The following CAMK1D variants were observed in gnomAD, a reference collection of about 807,000 sequenced individuals.
CAMK1D encodes the protein calcium/calmodulin dependent protein kinase ID, also known as calcium/calmodulin-dependent protein kinase type 1D.
In CAMK1D, 9 loss-of-function variants were observed where a neutral mutation model predicts 47.7. That is an observed-to-expected ratio of 0.19 (90% CI 0.11 to 0.33). The LOEUF (loss-of-function observed/expected upper bound fraction) is 0.33. Among genes scored for constraint, CAMK1D ranks in the 10% least tolerant of loss-of-function variants. The probability of loss-of-function intolerance (pLI) is 1.00; values close to 1 mark genes in which losing one functional copy is unlikely to be tolerated. For synonymous variants in CAMK1D, 184 were observed against 184.9 expected (o/e 0.99, Z 0.04); for missense variants, 291 against 488.7 (o/e 0.60, Z 3.81).
At chr10:12,356,088 C>T (rs1041027165) in intron 1 of CAMK1D, among the ~76,000 whole-genome samples, 8 of 151,898 alleles carry the variant, frequency 5.3e-5, no homozygotes, top group African/African-American at 1.9e-4. Flanking sequence ...GCCGAGATTG[C>T]ACCACTGCAC....
chr10:12,652,438 A>AC (rs1840001844), intron 2 of CAMK1D, among the ~76,000 whole-genome samples: 1 of 150,922 alleles, frequency 6.6e-6, no homozygotes, highest in African/African-American at 2.4e-5. Context: ...AAAAAAAAAA[A>AC]AAAGCCGGGC....
intron 2 of CAMK1D, among the ~76,000 whole-genome samples, chr10:12,591,297 T>TA (rs1837987754): frequency 6.6e-6 from 1 of 152,222 alleles, no homozygotes; most frequent in African/African-American, 2.4e-5. Context: ...CAGGACTTGA[T>TA]CAATTACTGG....
chr10:12,717,731 G>GAAAAAAAAAAAAA (rs11289567), intron 3 of CAMK1D, among the ~76,000 whole-genome samples: 12 of 121,178 alleles, frequency 9.9e-5, no homozygotes, highest in African/African-American at 3.5e-4. Flanking sequence ...ACAAAAAATT[G>GAAAAAAAAAAAAA]AAAAAAAAAA....
chr10:12,622,489 C>A (rs1163890379), intron 2 of CAMK1D, among the ~76,000 whole-genome samples: 1 of 152,088 alleles, frequency 6.6e-6, no homozygotes, highest in Non-Finnish European at 1.5e-5. Flanking sequence ...AATCCCATCT[C>A]TCCACCTGGC....
At chr10:12,707,811 C>G (rs1183719284) in intron 3 of CAMK1D, among the ~76,000 whole-genome samples, 1 of 152,206 alleles carries the variant, frequency 6.6e-6, no homozygotes, top group Non-Finnish European at 1.5e-5. Context: ...TTATGTTTGG[C>G]AAGACCCTCT....
chr10:12,705,464 A>AAAAG (rs1564507223), intron 3 of CAMK1D, among the ~76,000 whole-genome samples: 4 of 151,778 alleles, frequency 2.6e-5, no homozygotes, highest in African/African-American at 9.7e-5. Flanking sequence ...CCAGCTCAAA[A>AAAAG]AAAAGAAAAG....
intron 2 of CAMK1D, among the ~76,000 whole-genome samples, chr10:12,588,880 G>GTGTA (rs1837909702): frequency 7.1e-6 from 1 of 140,524 alleles, no homozygotes; most frequent in Non-Finnish European, 1.5e-5. Flanking sequence ...GTGTGTGTGT[G>GTGTA]TGTGCGTGCG....
chr10:12,595,062 C>T (rs556181979), intron 2 of CAMK1D, among the ~76,000 whole-genome samples: 33 of 152,118 alleles, frequency 2.2e-4, no homozygotes, highest in African/African-American at 6.7e-4. Context: ...CTGGGGGAGA[C>T]CAGGTGTGGT....
rs567307676 is a variant in CAMK1D, at chr10:12,570,751, G to A, written c.224+17395G>A. ...AGGCTGAGGAGGGCAGGTAACTTGAGGCCAGGAGTTCAACGCCAATCTGGC... is the reference window on the plus strand; with the variant it reads ...AGGCTGAGGAGGGCAGGTAACTTGAAGCCAGGAGTTCAACGCCAATCTGGC... On this transcript the variant is annotated intron_variant, in intron 2 of 10. Coordinates refer to ENST00000619168, the MANE Select transcript of CAMK1D (RefSeq NM_153498.4). 7.1e-4 allele frequency among the ~76,000 whole-genome samples: 107 copies of A among 150,470 alleles called. 1 individual carries two copies. The highest frequency in any genetic ancestry group is 3.5e-3 in the Middle Eastern group (1 of 282).
intron 1 of CAMK1D, among the ~76,000 whole-genome samples, chr10:12,500,064 G>A (rs971575399): frequency 2.6e-5 from 4 of 152,104 alleles, no homozygotes; most frequent in African/African-American, 4.8e-5. Flanking sequence ...TCAGGAGTTC[G>A]AGACCAGCCT....
At chr10:12,568,596 T>A (rs972138379) in intron 2 of CAMK1D, among the ~76,000 whole-genome samples, 63 of 142,036 alleles carry the variant, frequency 4.4e-4, no homozygotes, top group Admixed American at 3.3e-3. Context: ...AGCCTTTTTC[T>A]TTTTCAGTAT....
chr10:12,706,694 T>C (rs1040288731), intron 3 of CAMK1D, among the ~76,000 whole-genome samples: 6 of 151,946 alleles, frequency 3.9e-5, no homozygotes, highest in Non-Finnish European at 5.9e-5. Flanking sequence ...GGAGCCAAGA[T>C]TGTGCCACTG....
chr10:12,401,969 C>A (rs1170441861), intron 1 of CAMK1D, among the ~76,000 whole-genome samples: 1 of 151,866 alleles, frequency 6.6e-6, no homozygotes, highest in Non-Finnish European at 1.5e-5. Flanking sequence ...GATCTCCGCT[C>A]ATTGCAACCT....
At chr10:12,789,246 A>G (rs1837872386) in intron 5 of CAMK1D, among the ~76,000 whole-genome samples, 2 of 151,972 alleles carry the variant, frequency 1.3e-5, no homozygotes, top group East Asian at 1.9e-4. Flanking sequence ...ATCAGCTACT[A>G]TTAGTATTAG....
intron 1 of CAMK1D, among the ~76,000 whole-genome samples, chr10:12,492,554 G>A (rs1205086769): frequency 6.6e-6 from 1 of 152,172 alleles, no homozygotes; most frequent in Non-Finnish European, 1.5e-5. Context: ...AGCTACTTGG[G>A]AGGTGGAGGT....
intron 3 of CAMK1D, among the ~76,000 whole-genome samples, chr10:12,714,411 T>G (rs1394083873): frequency 6.6e-6 from 1 of 151,744 alleles, no homozygotes; most frequent in Non-Finnish European, 1.5e-5. Context: ...AAAAAGTATA[T>G]TTATATATTT....
chr10:12,710,887 T>C (rs1445843701), intron 3 of CAMK1D, among the ~76,000 whole-genome samples: 1 of 152,228 alleles, frequency 6.6e-6, no homozygotes, highest in Non-Finnish European at 1.5e-5. Flanking sequence ...AAATGTCTGT[T>C]GCCTTTGACA....
intron 3 of CAMK1D, among the ~76,000 whole-genome samples, chr10:12,680,600 G>A (rs921823916): frequency 6.6e-6 from 1 of 152,104 alleles, no homozygotes; most frequent in East Asian, 1.9e-4. Context: ...TATGAATAAC[G>A]CATGTTGGTG....
intron 1 of CAMK1D, among the ~76,000 whole-genome samples, chr10:12,461,669 CA>C (rs1239907873): frequency 6.5e-5 from 8 of 123,368 alleles, no homozygotes; most frequent in Admixed American, 5.1e-4. Flanking sequence ...AGCCTGGTGA[CA>C]GAGCGAGGCT....
Sources: gnomAD v4.1 joint callset for allele counts (sites outside exome capture counted in the v4.1 genomes callset) on GRCh38, gnomAD v4.1.1 for gene constraint, MANE v1.5 for transcripts, NCBI Gene and HGNC (gene_info 2026-07-23, HGNC 2026-07-21) for gene names.